AP1M1: variants seen among roughly 807,000 people sequenced by gnomAD.
AP1M1 encodes AP-1 complex subunit mu-1.
In AP1M1, 18 loss-of-function variants were observed where a neutral mutation model predicts 57.1. The observed-to-expected ratio is 0.32, with a 90% CI of 0.22 to 0.47. AP1M1 has a LOEUF of 0.47. Among genes scored for constraint, AP1M1 ranks in the 20% least tolerant of loss-of-function variants. The probability of loss-of-function intolerance (pLI) is 1.00; values close to 1 mark genes in which losing one functional copy is unlikely to be tolerated. For synonymous variants in AP1M1, 241 were observed against 237.9 expected, an observed-to-expected ratio of 1.01 and a Z score of -0.12; for missense variants, 362 against 593.5, an observed-to-expected ratio of 0.61 and a Z score of 4.05.
intron 5 of AP1M1, among the ~76,000 whole-genome samples, chr19:16,223,653 G>C (rs1484202746): frequency 6.6e-6 from 1 of 152,244 alleles, no homozygotes; most frequent in African/African-American, 2.4e-5. Flanking sequence ...CAGGCCTGGA[G>C]GCTCTGCTGA....
At chr19:16,211,732 A>G (rs1221821391) in intron 5 of AP1M1, among the ~76,000 whole-genome samples, 1 of 152,078 alleles carries the variant, frequency 6.6e-6, no homozygotes, top group Non-Finnish European at 1.5e-5. Context: ...CCTGGGCGAC[A>G]GAGCAAGACC....
chr19:16,211,601 T>G (rs896705488), intron 5 of AP1M1, among the ~76,000 whole-genome samples: 1 of 152,038 alleles, frequency 6.6e-6, no homozygotes, highest in Non-Finnish European at 1.5e-5. Context: ...AATAGGAAAA[T>G]TAGCCGGGCG....
In AP1M1 at chr19:16,243,938, G is replaced by C. The variant is rs902903128; in HGVS notation, c.*9503G>C. 2.6e-5 allele frequency: 4 copies of C among 152,186 alleles called. No individual in the cohort carries two copies. Among genetic ancestry groups the C allele is most frequent in the Non-Finnish European group, 5.9e-5 (4 of 68,040 alleles). 9.4% of individuals were successfully genotyped at this position (152,186 alleles called of 1,614,324 possible). ...AGCCTGGGCAACGAAACGAGAGTCT[G>C]TCTCCAAATAAATAATTAGAGAATA... On this transcript the variant is annotated 3_prime_UTR_variant, in exon 12 of 12. Coordinates refer to ENST00000291439, the MANE Select transcript of AP1M1 (RefSeq NM_032493.4).
Position 16,234,762 on chromosome 19 carries a change from C to T in AP1M1, c.*327C>T, listed in dbSNP as rs914841705. 9 of 434,962 alleles carry T rather than the reference C, an allele frequency of 2.1e-5. No individual in the cohort carries two copies. The highest frequency in any genetic ancestry group is 6.0e-4 in the Middle Eastern group (1 of 1,676). 26.9% of individuals were successfully genotyped at this position (434,962 alleles called of 1,614,324 possible). On this transcript the variant is annotated 3_prime_UTR_variant, in exon 12 of 12. Transcript: ENST00000291439. ...CCCAGGTACCAAAAAGCTTGGCCAA[C>T]GCTTGCCAGCCAGCCAGCTGCAGGT... is the stretch of plus-strand genomic sequence containing the variant.
At chr19:16,213,843 C>G (rs1329957941) in intron 5 of AP1M1, among the ~76,000 whole-genome samples, 1 of 152,122 alleles carries the variant, frequency 6.6e-6, no homozygotes, top group Admixed American at 6.6e-5. Context: ...ATTTCTTTAT[C>G]CAGCTCTTGC....
intron 1 of AP1M1, among the ~76,000 whole-genome samples, chr19:16,201,914 C>T (rs535380017): frequency 3.3e-5 from 5 of 152,222 alleles, no homozygotes; most frequent in African/African-American, 4.8e-5. Flanking sequence ...GCCATGGGGA[C>T]GGGCTTGGGC....
intron 5 of AP1M1, among the ~76,000 whole-genome samples, chr19:16,215,622 T>C (rs58831931): frequency 0.015 from 2,329 of 152,184 alleles, 62 homozygotes; most frequent in African/African-American, 0.053. Flanking sequence ...ATTTTGACCC[T>C]GGACAATCTG....
chr19:16,206,348 C>A lies in AP1M1; in HGVS notation c.207C>A (p.Ala69=). 6.2e-7 allele frequency: 1 copy of A among 1,614,148 alleles called. No homozygotes were observed. Among genetic ancestry groups the A allele is most frequent in the Non-Finnish European group, 8.5e-7 (1 of 1,180,020 alleles). ...ACTGTGGCCGCCATGCAGTGGTTGC[C>A]ACATCCAAGAAGAACGCGTGCGTGT... is the stretch of plus-strand genomic sequence containing the variant. ...WIKHNNLYLV[A]TSKKNACVSL... Residue 69 remains alanine (A), a synonymous_variant, in exon 3 of 12, where the codon GCC becomes GCA. Transcript: ENST00000291439. This position sits in a 1 kb window ranked among gnomAD's most constrained non-coding sequence, Gnocchi z 4.3.
At position 16,208,162 on chromosome 19, in the gene AP1M1, G is replaced by C; in HGVS notation, c.398+13G>C. 1 of 1,609,366 alleles carries C rather than the reference G, an allele frequency of 6.2e-7. No homozygotes were observed. The highest frequency in any genetic ancestry group is 8.5e-7 in the Non-Finnish European group (1 of 1,177,546). ...AGATCCTGCAGGAGTGAGTGGGCAG[G>C]GGTGGGGCCTGGGGCCAGGCCTGGG... On this transcript the variant is annotated intron_variant, in intron 4 of 11. Transcript: ENST00000291439.
At chr19:16,217,946 C>G (rs549890355) in intron 5 of AP1M1, among the ~76,000 whole-genome samples, 6 of 152,286 alleles carry the variant, frequency 3.9e-5, no homozygotes, top group African/African-American at 1.4e-4. Context: ...AGCGCCTCCC[C>G]ATAAGACCCA....
At chr19:16,212,547 G>C (rs1248344092) in intron 5 of AP1M1, among the ~76,000 whole-genome samples, 1 of 152,096 alleles carries the variant, frequency 6.6e-6, no homozygotes, top group African/African-American at 2.4e-5. Flanking sequence ...TAAAACACCA[G>C]CTCCTGGCTT....
chr19:16,201,588 G>A (rs1428778045), intron 1 of AP1M1, among the ~76,000 whole-genome samples: 1 of 152,040 alleles, frequency 6.6e-6, no homozygotes, highest in African/African-American at 2.4e-5. Context: ...AGTAGAGACA[G>A]GGTTTCACCA....
Position 16,228,918 on chromosome 19 carries a change from A to C in AP1M1, c.1037A>C (p.Lys346Thr). The C allele has an allele frequency of 1.2e-6, 2 of 1,613,932 alleles. No homozygotes were observed. The highest frequency in any genetic ancestry group is 1.7e-6 in the Non-Finnish European group (2 of 1,179,910). ...AACAGCGAGATCGTGTGGTCCATCA[A>C]GTCCTTCCCGGTGAGCACTCTGTCC... ...PENSEIVWSI[K>T]SFPGGKEYLM... The change falls in exon 9 of 12, where the codon AAG (lysine) becomes ACG (threonine). Residue 346 changes from lysine (K) to threonine (T), a missense_variant. By Grantham distance (78) the Lys-to-Thr change is moderately conservative. Transcript: ENST00000291439. The surrounding 1 kb of genome is among the most constrained non-coding windows in gnomAD (Gnocchi z 5.0).
At position 16,203,582 on chromosome 19, in the gene AP1M1, C is replaced by T. The variant is rs1568347417; in HGVS notation, c.166C>T (p.Arg56Cys). 4.3e-6 allele frequency: 7 copies of T among 1,613,486 alleles called. No individual in the cohort carries two copies. The highest frequency in any genetic ancestry group is 5.9e-6 in the Non-Finnish European group (7 of 1,179,672). The change falls in exon 2 of 12, where the codon CGT becomes TGT. Residue 56 changes from arginine (R) to cysteine (C), a missense_variant. Physicochemically the swap from Arg to Cys is radical, Grantham distance 180. Coordinates refer to ENST00000291439, the MANE Select transcript of AP1M1 (RefSeq NM_032493.4). The surrounding 1 kb of genome is among the most constrained non-coding windows in gnomAD (Gnocchi z 4.6). ...GCCCATCCTGGCCCACGGGGGGGTCCGTTTCATGTGGATCAAACACAACAA... is the reference window on the plus strand; with the variant it reads ...GCCCATCCTGGCCCACGGGGGGGTCTGTTTCATGTGGATCAAACACAACAA... ...LSPILAHGGV[R>C]FMWIKHNNLY...
chr19:16,203,084 C>A lies in AP1M1; in HGVS notation c.43-375C>A. ...CCTTCAGCGGGAGTGGGCGCCCTGA[C>A]ACAGGCGGGAGAGCAAGGTGCGTTG... On this transcript the variant is annotated intron_variant, in intron 1 of 11. Transcript: ENST00000291439. The surrounding 1 kb of genome is among the most constrained non-coding windows in gnomAD (Gnocchi z 4.6). 1 of 241,178 alleles carries A rather than the reference C, an allele frequency of 4.1e-6. No individual in the cohort carries two copies. Among genetic ancestry groups the A allele is most frequent in the Non-Finnish European group, 8.3e-6 (1 of 120,972 alleles). 14.9% of individuals were successfully genotyped at this position (241,178 alleles called of 1,614,324 possible).
In AP1M1 at chr19:16,234,563, G is replaced by T. The variant is rs2091616048; in HGVS notation, c.*128G>T. 7 of 1,228,508 alleles carry T rather than the reference G, an allele frequency of 5.7e-6. No individual in the cohort carries two copies. The highest frequency in any genetic ancestry group is 2.0e-5 in the Admixed American group (1 of 48,932). 76.1% of individuals were successfully genotyped at this position (1,228,508 alleles called of 1,614,324 possible). A position where few individuals can be genotyped will look rare whatever the true frequency, so the allele number is the denominator to read the frequency against. Reference sequence around the variant, plus strand: ...GCCACCCTCCCAGCCTCTGCCCAGGGACCCCTGCCTTCCCCAGGCCATCTG... The same window carrying T: ...GCCACCCTCCCAGCCTCTGCCCAGGTACCCCTGCCTTCCCCAGGCCATCTG... On this transcript the variant is annotated 3_prime_UTR_variant, in exon 12 of 12. Coordinates refer to ENST00000291439, the MANE Select transcript of AP1M1 (RefSeq NM_032493.4).
At chr19:16,222,568 T>C (rs1312075847) in intron 5 of AP1M1, among the ~76,000 whole-genome samples, 1 of 150,328 alleles carries the variant, frequency 6.7e-6, no homozygotes, top group Non-Finnish European at 1.5e-5. Flanking sequence ...ACTATATTTT[T>C]AAAAATTTTC....
chr19:16,234,043 G>A (rs1029027698), intron 10 of AP1M1, 156 bp from the exon 11 acceptor site: 3 of 708,734 alleles, frequency 4.2e-6, no homozygotes, highest in African/African-American at 3.6e-5. Context: ...ACATTTGCAT[G>A]GTCCAGACAA....
chr19:16,215,325 G>A (rs2091514857), intron 5 of AP1M1, among the ~76,000 whole-genome samples: 1 of 147,090 alleles, frequency 6.8e-6, no homozygotes, highest in Non-Finnish European at 1.5e-5. Context: ...GCAGCACGTG[G>A]TGGTGCATGC....
Sources: allele counts gnomAD v4.1 joint callset (sites outside exome capture counted in the v4.1 genomes callset), GRCh38; gene constraint gnomAD v4.1.1; non-coding constraint Gnocchi (gnomAD v3.1); transcripts MANE v1.5; gene names NCBI Gene and HGNC (gene_info 2026-07-23, HGNC 2026-07-21).